The following TMEM74 variants were observed in gnomAD, a reference collection of about 807,000 sequenced individuals.
TMEM74 encodes the protein transmembrane protein 74.
In TMEM74, 13 loss-of-function variants were observed where a neutral mutation model predicts 18.1. The observed-to-expected ratio is 0.72, with a 90% CI of 0.47 to 1.14. The LOEUF is 1.14. Ranked by LOEUF, TMEM74 falls within the 50% of genes most tolerant of loss-of-function variation. The pLI, the probability that TMEM74 is intolerant of heterozygous loss-of-function variation, is 0.00. For synonymous variants in TMEM74, 159 were observed against 146.6 expected (o/e 1.08, Z -0.61); for missense variants, 372 against 375.9 (o/e 0.99, Z 0.09).
At chr8:108,617,126 G>T (rs1408796042) in intron 2 of TMEM74, among the ~76,000 whole-genome samples, 4 of 151,784 alleles carry the variant, frequency 2.6e-5, no homozygotes, top group Admixed American at 6.6e-5. Context: ...ATAAGTAGGG[G>T]TTAGTGAGGC....
At chr8:108,723,659 C>G (rs994145976) in intron 1 of TMEM74, among the ~76,000 whole-genome samples, 1 of 152,036 alleles carries the variant, frequency 6.6e-6, no homozygotes, top group African/African-American at 2.4e-5. Context: ...GAATAGCCTA[C>G]AGAAGCCCTA....
downstream of TMEM74, among the ~76,000 whole-genome samples, chr8:108,774,314 T>C (rs1814205147): frequency 6.6e-6 from 1 of 152,154 alleles, no homozygotes; most frequent in Non-Finnish European, 1.5e-5. Context: ...CTGAAAACCT[T>C]CCACAAAATC....
intron 2 of TMEM74, among the ~76,000 whole-genome samples, chr8:108,635,389 A>G (rs944040974): frequency 1.3e-5 from 2 of 151,860 alleles, no homozygotes; most frequent in African/African-American, 2.4e-5. Flanking sequence ...TCTGCATACC[A>G]TAGAGTTATG....
intron 2 of TMEM74, among the ~76,000 whole-genome samples, chr8:108,610,672 T>C (rs1186391443): frequency 6.6e-6 from 1 of 151,912 alleles, no homozygotes; most frequent in East Asian, 1.9e-4. Context: ...GAACCAGCAG[T>C]TGGAAAGGAC....
chr8:108,758,354 C>T (rs1336562266), intron 1 of TMEM74, among the ~76,000 whole-genome samples: 1 of 151,948 alleles, frequency 6.6e-6, no homozygotes, highest in East Asian at 1.9e-4. Flanking sequence ...AAAAACCCTA[C>T]CAAGCACAGA....
At chr8:108,762,370 C>G (rs1024312684) in intron 1 of TMEM74, among the ~76,000 whole-genome samples, 1 of 152,074 alleles carries the variant, frequency 6.6e-6, no homozygotes, top group African/African-American at 2.4e-5. Context: ...CATGAATAAG[C>G]TGAAAATCCT....
intron 2 of TMEM74, among the ~76,000 whole-genome samples, chr8:108,623,831 G>A (rs1423862825): frequency 6.6e-6 from 1 of 151,918 alleles, no homozygotes; most frequent in African/African-American, 2.4e-5. Flanking sequence ...TTTTACAACT[G>A]CTATTGCTGT....
intron 1 of TMEM74, among the ~76,000 whole-genome samples, chr8:108,676,473 A>G (rs530959713): frequency 6.6e-6 from 1 of 152,172 alleles, no homozygotes; most frequent in South Asian, 2.1e-4. Context: ...TCTGCCTAGG[A>G]GGCATGCACA....
At chr8:108,660,144 T>C (rs576406507) in intron 1 of TMEM74, among the ~76,000 whole-genome samples, 1 of 152,288 alleles carries the variant, frequency 6.6e-6, no homozygotes, top group East Asian at 1.9e-4. Context: ...AGGACCTACT[T>C]GTTTTCCAAA....
chr8:108,717,830 G>A (rs948827644), intron 1 of TMEM74, among the ~76,000 whole-genome samples: 8 of 152,030 alleles, frequency 5.3e-5, no homozygotes, highest in Non-Finnish European at 1.0e-4. Flanking sequence ...GGAAGAATGA[G>A]AGGTGGTGAA....
intron 1 of TMEM74, among the ~76,000 whole-genome samples, chr8:108,688,184 A>G (rs1468794075): frequency 6.6e-6 from 1 of 152,214 alleles, no homozygotes; most frequent in Non-Finnish European, 1.5e-5. Flanking sequence ...GGTGCTCTCA[A>G]GAAGTATTCA....
chr8:108,746,718 A>C (rs73311942), intron 1 of TMEM74, among the ~76,000 whole-genome samples: 4,492 of 152,026 alleles, frequency 0.03, 154 homozygotes, highest in African/African-American at 0.081. Context: ...TGGAACTTTC[A>C]CCACTGGGGA....
chr8:108,626,258 A>C (rs1812491769), intron 2 of TMEM74, among the ~76,000 whole-genome samples: 1 of 152,104 alleles, frequency 6.6e-6, no homozygotes, highest in Admixed American at 6.6e-5. Flanking sequence ...GAAAAAATCC[A>C]GAATGCTATT....
chr8:108,660,640 T>C (rs1812891013), intron 1 of TMEM74, among the ~76,000 whole-genome samples: 1 of 152,184 alleles, frequency 6.6e-6, no homozygotes, highest in African/African-American at 2.4e-5. Flanking sequence ...AAACCTACAG[T>C]TAGATAGTTC....
chr8:108,708,809 C>CAAAACAAAAA (rs1813444398), intron 1 of TMEM74, among the ~76,000 whole-genome samples: 1 of 17,942 alleles, frequency 5.6e-5, no homozygotes, highest in East Asian at 3.5e-3. Flanking sequence ...AACTCAATAG[C>CAAAACAAAAA]AAAAAAAAAA....
In TMEM74 at chr8:108,785,027, T is replaced by A; in HGVS notation, c.72A>T (p.Arg24Ser). 1 of 1,613,994 alleles carries A rather than the reference T, an allele frequency of 6.2e-7. No homozygotes were observed. The highest frequency in any genetic ancestry group is 2.2e-5 in the East Asian group (1 of 44,866). ...TATCTGCCTGGTCACCAGGCAGCCC[T>A]CTTGAACTCCAGTCCCTGGCATCAC... is the stretch of plus-strand genomic sequence containing the variant. ...DLCDARDWSS[R>S]GLPGDQADTA... The change falls in exon 2 of 2, where the codon AGA becomes AGT. Residue 24 changes from arginine to serine, a missense_variant. Transcript: ENST00000297459.
intron 1 of TMEM74, among the ~76,000 whole-genome samples, chr8:108,755,460 A>G (rs1164321868): frequency 6.6e-6 from 1 of 152,156 alleles, no homozygotes; most frequent in Non-Finnish European, 1.5e-5. Context: ...GCATGTGAAA[A>G]TAAGGCTAGA....
chr8:108,786,919 G>A (rs1016063178), intron 1 of TMEM74, among the ~76,000 whole-genome samples: 2 of 152,078 alleles, frequency 1.3e-5, no homozygotes, highest in Admixed American at 1.3e-4. Context: ...AGCTACTCCC[G>A]CTTGTTCGCT....
intron 1 of TMEM74, among the ~76,000 whole-genome samples, chr8:108,671,742 C>A (rs1327478299): frequency 6.6e-6 from 1 of 151,486 alleles, no homozygotes; most frequent in Non-Finnish European, 1.5e-5. Flanking sequence ...ACCAACAGCT[C>A]AACTAGATTA....
Sources: allele counts gnomAD v4.1 joint callset (sites outside exome capture counted in the v4.1 genomes callset), GRCh38; gene constraint gnomAD v4.1.1; transcripts MANE v1.5; gene names NCBI Gene and HGNC (gene_info 2026-07-23, HGNC 2026-07-21).